ANKFN1: variants seen among roughly 807,000 people sequenced by gnomAD.
ANKFN1 encodes the protein ankyrin repeat and fibronectin type-III domain-containing protein 1.
Under a neutral mutation model 108.7 loss-of-function variants are expected in ANKFN1, and 74 were observed. That is an observed-to-expected ratio of 0.68 (90% CI 0.56 to 0.83). ANKFN1 has a LOEUF of 0.83. Ranked by LOEUF, ANKFN1 falls within the 40% of genes least tolerant of loss-of-function variation. ANKFN1 has a pLI of 0.00. For missense variants in ANKFN1, 1,505 were observed against 1,382.3 expected (o/e 1.09, Z -1.41); for synonymous variants, 547 against 516.2 (o/e 1.06, Z -0.81).
intron 4 of ANKFN1, among the ~76,000 whole-genome samples, chr17:56,146,452 GC>G (rs764204049): frequency 2.0e-5 from 3 of 152,180 alleles, no homozygotes; most frequent in East Asian, 1.9e-4. Context: ...TGAAGGCTCT[GC>G]CCCTGCAGCA....
chr17:56,253,525 G>A (rs928927965), intron 3 of ANKFN1, among the ~76,000 whole-genome samples: 1 of 152,090 alleles, frequency 6.6e-6, no homozygotes, highest in Admixed American at 6.5e-5. Flanking sequence ...ATCATTTGAG[G>A]TCAGGAGTTT....
At chr17:56,350,700 T>G in intron 4 of ANKFN1, 66 bp from the exon 5 acceptor site, 1 of 1,451,182 alleles carries the variant, frequency 6.9e-7, no homozygotes, top group South Asian at 1.2e-5. Context: ...CTGGAGATGA[T>G]AAAATCATAT....
intron 1 of ANKFN1, chr17:56,207,086 T>C (rs562169166): frequency 6.6e-6 from 1 of 152,280 alleles, no homozygotes; most frequent in East Asian, 1.9e-4. Context: ...TCAATCTTGT[T>C]CTACTTTTTA....
intron 16 of ANKFN1, 89 bp from the exon 17 acceptor site, chr17:56,480,579 C>T: frequency 7.3e-7 from 1 of 1,367,214 alleles, no homozygotes; most frequent in Non-Finnish European, 1.0e-6. Flanking sequence ...CATTGGTTAT[C>T]CAGGTTCTGG....
chr17:56,123,823 GT>G (rs1445275474), intron 4 of ANKFN1, among the ~76,000 whole-genome samples: 4 of 146,338 alleles, frequency 2.7e-5, no homozygotes, highest in Admixed American at 6.9e-5. Flanking sequence ...GTGTGTGTGT[GT>G]GACAGAGAGA....
At chr17:56,454,689 G>A (rs1274391228) in intron 11 of ANKFN1, among the ~76,000 whole-genome samples, 1 of 152,132 alleles carries the variant, frequency 6.6e-6, no homozygotes, top group African/African-American at 2.4e-5. Context: ...ATTTTCCACA[G>A]AAATTTCTTC....
intron 1 of ANKFN1, among the ~76,000 whole-genome samples, chr17:56,205,827 C>G (rs1468122532): frequency 6.6e-6 from 1 of 152,128 alleles, no homozygotes; most frequent in African/African-American, 2.4e-5. Flanking sequence ...TGCATCAAAT[C>G]TACACTAGTC....
At chr17:56,245,115 T>C (rs1331681845) in intron 3 of ANKFN1, among the ~76,000 whole-genome samples, 2 of 152,146 alleles carry the variant, frequency 1.3e-5, no homozygotes, top group Non-Finnish European at 2.9e-5. Context: ...ATTTCTGTAA[T>C]AGACAAATTT....
At chr17:56,320,343 A>G (rs1332800333) in intron 3 of ANKFN1, among the ~76,000 whole-genome samples, 1 of 152,226 alleles carries the variant, frequency 6.6e-6, no homozygotes. Flanking sequence ...GACAGTGTGA[A>G]CATAAATATT....
chr17:56,176,905 A>G (rs765395836), intron 1 of ANKFN1, among the ~76,000 whole-genome samples: 5 of 152,206 alleles, frequency 3.3e-5, no homozygotes, highest in Non-Finnish European at 7.3e-5. Flanking sequence ...GTCTCACAGG[A>G]CACAATGCCT....
chr17:56,408,576 A>G (rs1055368269), intron 8 of ANKFN1, among the ~76,000 whole-genome samples: 1 of 152,206 alleles, frequency 6.6e-6, no homozygotes, highest in Non-Finnish European at 1.5e-5. Flanking sequence ...TTCAACTCAC[A>G]TATATTGCAG....
intron 4 of ANKFN1, among the ~76,000 whole-genome samples, chr17:56,061,886 C>T (rs1687458129): frequency 6.6e-6 from 1 of 152,142 alleles, no homozygotes; most frequent in South Asian, 2.1e-4. Context: ...TGTAAGTTTC[C>T]CTCAACACTG....
Position 56,070,796 on chromosome 17 carries a change from G to A in ANKFN1, c.288+24471G>A, listed in dbSNP as rs9893722. 3.9e-3 allele frequency among the ~76,000 whole-genome samples: 583 copies of A among 150,644 alleles called. 5 individuals carry two copies. Among genetic ancestry groups the A allele is most frequent in the African/African-American group, 0.014 (555 of 40,844 alleles). ...TCTCACCAGGCTGGGGTGCAGTGGC[G>A]CGATCTCAGCTCACTGCAACCTCCA... On this transcript the variant is annotated intron_variant, in intron 4 of 12. Transcript: ENST00000635860.
chr17:56,262,833 ATAGT>A (rs3085318), intron 3 of ANKFN1, among the ~76,000 whole-genome samples: 10,554 of 152,160 alleles, frequency 0.069, 504 homozygotes, highest in African/African-American at 0.14. Context: ...ACACAGCAAG[ATAGT>A]TAGAGAGACG....
chr17:56,383,129 C>T (rs1485408073), intron 8 of ANKFN1, among the ~76,000 whole-genome samples: 1 of 152,194 alleles, frequency 6.6e-6, no homozygotes, highest in African/African-American at 2.4e-5. Context: ...AACAAACTGT[C>T]TCTCAGACCA....
chr17:56,213,768 A>G (rs1272176369), intron 2 of ANKFN1, among the ~76,000 whole-genome samples: 1 of 152,242 alleles, frequency 6.6e-6, no homozygotes, highest in Non-Finnish European at 1.5e-5. Flanking sequence ...CTCTTACCCC[A>G]AAAGCTGTTC....
chr17:56,378,889 G>C (rs559827867), intron 8 of ANKFN1, among the ~76,000 whole-genome samples: 3 of 152,130 alleles, frequency 2.0e-5, no homozygotes, highest in African/African-American at 7.2e-5. Flanking sequence ...AGCTACTAAG[G>C]CTTCTACATC....
At chr17:56,226,496 T>C (rs1482512319) in intron 2 of ANKFN1, among the ~76,000 whole-genome samples, 4 of 152,226 alleles carry the variant, frequency 2.6e-5, no homozygotes, top group East Asian at 3.9e-4. Flanking sequence ...AGGATGTTGA[T>C]TGGAGATATT....
At chr17:56,292,737 A>T (rs906556727) in intron 3 of ANKFN1, among the ~76,000 whole-genome samples, 1 of 152,174 alleles carries the variant, frequency 6.6e-6, no homozygotes, top group Non-Finnish European at 1.5e-5. Flanking sequence ...GGGAAAAAAA[A>T]ACCACTGCCA....
Sources: gnomAD v4.1 joint callset for allele counts (sites outside exome capture counted in the v4.1 genomes callset) on GRCh38, gnomAD v4.1.1 for gene constraint, MANE v1.5 for transcripts, NCBI Gene and HGNC (gene_info 2026-07-23, HGNC 2026-07-21) for gene names.